COTL1: variants seen among roughly 807,000 people sequenced by gnomAD.
COTL1 encodes the protein coactosin-like protein.
Under a neutral mutation model 16.5 loss-of-function variants are expected in COTL1, and 15 were observed. The observed-to-expected ratio is 0.91, with a 90% CI of 0.61 to 1.40. COTL1 has a LOEUF of 1.40. Ranked by LOEUF, COTL1 falls within the 40% of genes most tolerant of loss-of-function variation. COTL1 has a pLI of 0.00. For synonymous variants in COTL1, 112 were observed against 85.3 expected (o/e 1.31, Z -1.73); for missense variants, 220 against 201.5 (o/e 1.09, Z -0.56).
chr16:84,605,415 TAAGACATCTATGTCCTAAACCCC>T (rs1014951392), intron 2 of COTL1, among the ~76,000 whole-genome samples: 3 of 152,224 alleles, frequency 2.0e-5, no homozygotes, highest in African/African-American at 7.2e-5. Context: ...CAACGGCCCC[TAAGACATCTATGTCCTAAACCCC>T]AAAACTGTGA....
At chr16:84,592,717 C>T (rs945839590) in intron 2 of COTL1, among the ~76,000 whole-genome samples, 8 of 152,142 alleles carry the variant, frequency 5.3e-5, no homozygotes, top group Admixed American at 2.0e-4. Context: ...CACCTGTCTA[C>T]AGGAGATACT....
intron 2 of COTL1, among the ~76,000 whole-genome samples, chr16:84,608,268 G>T (rs1905252624): frequency 6.6e-6 from 1 of 152,184 alleles, no homozygotes; most frequent in African/African-American, 2.4e-5. Flanking sequence ...ATTAACTTCT[G>T]AATATTTTCA....
intron 3 of COTL1, among the ~76,000 whole-genome samples, chr16:84,581,142 AAAACAAAC>A (rs61060672): frequency 1.3e-5 from 2 of 148,676 alleles, no homozygotes; most frequent in East Asian, 2.0e-4. Flanking sequence ...ATTCCATCTA[AAAACAAAC>A]AAACAAACAA....
chr16:84,615,198 A>G (rs772894069), intron 2 of COTL1, among the ~76,000 whole-genome samples: 1 of 152,250 alleles, frequency 6.6e-6, no homozygotes, highest in East Asian at 1.9e-4. Context: ...CATTTGTCCA[A>G]CAGATGGCTG....
intron 2 of COTL1, among the ~76,000 whole-genome samples, chr16:84,597,797 T>C (rs1905036122): frequency 6.6e-6 from 1 of 152,032 alleles, no homozygotes; most frequent in South Asian, 2.1e-4. Context: ...TCCTGCAGAG[T>C]CCGTGGTTCC....
At chr16:84,616,007 T>C (rs1905472061) in intron 2 of COTL1, 1 of 152,244 alleles carries the variant, frequency 6.6e-6, no homozygotes, top group South Asian at 2.1e-4. Context: ...ACATGATCCC[T>C]GGCACAATTT....
intron 3 of COTL1, among the ~76,000 whole-genome samples, chr16:84,583,463 T>C (rs1904647524): frequency 6.6e-6 from 1 of 152,154 alleles, no homozygotes. Flanking sequence ...TATTTATTTA[T>C]TTACTTATTT....
intron 2 of COTL1, chr16:84,595,869 AT>A (rs1190559282): frequency 6.6e-6 from 1 of 150,878 alleles, no homozygotes; most frequent in African/African-American, 2.5e-5. Context: ...ATATATATTC[AT>A]GTATTTGTGT....
At chr16:84,597,369 G>A (rs1360457527) in intron 2 of COTL1, among the ~76,000 whole-genome samples, 1 of 152,196 alleles carries the variant, frequency 6.6e-6, no homozygotes, top group East Asian at 1.9e-4. Context: ...CTGAGGCTTG[G>A]AGAGGTGAAG....
At chr16:84,597,676 G>C (rs145470331) in intron 2 of COTL1, among the ~76,000 whole-genome samples, 1 of 152,172 alleles carries the variant, frequency 6.6e-6, no homozygotes, top group Non-Finnish European at 1.5e-5. Flanking sequence ...GAGAGGGGAC[G>C]AGACAAAGGT....
At chr16:84,606,112 G>A (rs928647723) in intron 2 of COTL1, among the ~76,000 whole-genome samples, 19 of 152,218 alleles carry the variant, frequency 1.2e-4, no homozygotes, top group African/African-American at 2.7e-4. Context: ...AAATGCTGAC[G>A]TGCCATGCCT....
chr16:84,606,786 G>A (rs1400985447), intron 2 of COTL1, among the ~76,000 whole-genome samples: 1 of 152,184 alleles, frequency 6.6e-6, no homozygotes, highest in Non-Finnish European at 1.5e-5. Context: ...TCCCAGGGCT[G>A]CACCCTCCAT....
intron 2 of COTL1, among the ~76,000 whole-genome samples, chr16:84,613,999 G>A (rs1440783427): frequency 6.6e-6 from 1 of 152,190 alleles, no homozygotes; most frequent in Non-Finnish European, 1.5e-5. Context: ...CTCTGCCCAG[G>A]GGCTAAACCT....
intron 2 of COTL1, among the ~76,000 whole-genome samples, chr16:84,607,766 G>C (rs28488887): frequency 0.01 from 1,527 of 152,230 alleles, 26 homozygotes; most frequent in African/African-American, 0.035. Flanking sequence ...CCCTAGCCTG[G>C]ACTGCAAGCT....
chr16:84,600,278 T>C (rs1388139096), intron 2 of COTL1, among the ~76,000 whole-genome samples: 1 of 152,074 alleles, frequency 6.6e-6, no homozygotes, highest in African/African-American at 2.4e-5. Flanking sequence ...TAAACTCCTT[T>C]TGGTTTATTC....
chr16:84,600,216 T>G (rs1260719275), intron 2 of COTL1, among the ~76,000 whole-genome samples: 2 of 152,156 alleles, frequency 1.3e-5, no homozygotes, highest in African/African-American at 4.8e-5. Flanking sequence ...CAAAAAACTT[T>G]GCAAAAGTAT....
intron 3 of COTL1, among the ~76,000 whole-genome samples, chr16:84,569,350 T>C (rs1904312408): frequency 1.3e-5 from 2 of 152,098 alleles, no homozygotes; most frequent in Admixed American, 1.3e-4. Flanking sequence ...AAAAGGTTCA[T>C]TTTATGTTAA....
intron 3 of COTL1, among the ~76,000 whole-genome samples, chr16:84,584,101 C>T (rs1352516591): frequency 4.6e-5 from 7 of 152,186 alleles, no homozygotes; most frequent in South Asian, 2.1e-4. Flanking sequence ...TGCAGAGACA[C>T]GAGAACGATA....
At chr16:84,599,313 G>C (rs549376436) in intron 2 of COTL1, among the ~76,000 whole-genome samples, 1 of 152,210 alleles carries the variant, frequency 6.6e-6, no homozygotes, top group East Asian at 1.9e-4. Flanking sequence ...GCTATGGGTC[G>C]AGCACTGTGT....
Sources: gnomAD v4.1 joint callset for allele counts (sites outside exome capture counted in the v4.1 genomes callset) on GRCh38, gnomAD v4.1.1 for gene constraint, MANE v1.5 for transcripts, NCBI Gene and HGNC (gene_info 2026-07-23, HGNC 2026-07-21) for gene names.